Variants in KCNQ5 observed in about 807,000 individuals in gnomAD.
The protein encoded by KCNQ5 is potassium voltage-gated channel subfamily Q member 5.
A neutral mutation model predicts 98.2 loss-of-function variants in KCNQ5; 30 were observed. The observed-to-expected ratio is 0.31, with a 90% CI of 0.23 to 0.41. The LOEUF (loss-of-function observed/expected upper bound fraction) is 0.41. Among genes scored for constraint, KCNQ5 ranks in the 10% least tolerant of loss-of-function variants. The pLI, the probability that KCNQ5 is intolerant of heterozygous loss-of-function variation, is 1.00. For synonymous variants in KCNQ5, 458 were observed against 449.4 expected (o/e 1.02, Z -0.24); for missense variants, 835 against 1,182.5 (o/e 0.71, Z 4.31).
intron 11 of KCNQ5, among the ~76,000 whole-genome samples, chr6:73,183,000 A>G (rs1778453525): frequency 6.6e-6 from 1 of 152,236 alleles, no homozygotes; most frequent in Non-Finnish European, 1.5e-5. Flanking sequence ...TTATGAGAGA[A>G]TGCAGGTGGC....
intron 2 of KCNQ5, among the ~76,000 whole-genome samples, chr6:73,027,432 G>A (rs536816586): frequency 6.6e-6 from 1 of 152,220 alleles, no homozygotes; most frequent in East Asian, 1.9e-4. Flanking sequence ...TCAATGTTTG[G>A]GAAACATTTA....
intron 10 of KCNQ5, among the ~76,000 whole-genome samples, chr6:73,153,881 C>A (rs574509064): frequency 7.3e-6 from 1 of 137,922 alleles, no homozygotes; most frequent in East Asian, 2.1e-4. Context: ...CAATCTGTAT[C>A]AATCTGTAAT....
intron 1 of KCNQ5, among the ~76,000 whole-genome samples, chr6:73,003,255 A>G (rs182785292): frequency 1.4e-4 from 21 of 152,306 alleles, no homozygotes; most frequent in African/African-American, 4.3e-4. Flanking sequence ...TTATCCTTAT[A>G]TATGAATAGA....
intron 1 of KCNQ5, among the ~76,000 whole-genome samples, chr6:72,767,277 A>C (rs1367124604): frequency 6.6e-6 from 1 of 152,022 alleles, no homozygotes; most frequent in East Asian, 1.9e-4. Flanking sequence ...GGGTAACTGG[A>C]TAGCCACATG....
At chr6:72,738,010 C>T (rs912544779) in intron 1 of KCNQ5, among the ~76,000 whole-genome samples, 3 of 150,578 alleles carry the variant, frequency 2.0e-5, no homozygotes, top group Admixed American at 1.3e-4. Context: ...AAAAAATTAG[C>T]CGGGCGTGGT....
At chr6:72,929,464 A>G (rs1765592831) in intron 1 of KCNQ5, among the ~76,000 whole-genome samples, 1 of 152,132 alleles carries the variant, frequency 6.6e-6, no homozygotes, top group Admixed American at 6.6e-5. Context: ...TTAAAATCCT[A>G]AATATATTAA....
At chr6:72,907,428 A>G (rs1303647150) in intron 1 of KCNQ5, among the ~76,000 whole-genome samples, 1 of 152,204 alleles carries the variant, frequency 6.6e-6, no homozygotes, top group Admixed American at 6.5e-5. Flanking sequence ...TAGCTCCAAT[A>G]TATATGGAAT....
chr6:72,668,444 A>G (rs1369441531), intron 1 of KCNQ5, among the ~76,000 whole-genome samples: 2 of 152,032 alleles, frequency 1.3e-5, no homozygotes, highest in African/African-American at 4.8e-5. Context: ...GAGGACAGAA[A>G]TGACCTCCTG....
intron 1 of KCNQ5, among the ~76,000 whole-genome samples, chr6:72,940,156 T>A (rs1766153463): frequency 6.6e-6 from 1 of 152,154 alleles, no homozygotes. Flanking sequence ...ATACCCAAAA[T>A]TCAGCCCTTT....
intron 1 of KCNQ5, among the ~76,000 whole-genome samples, chr6:72,649,845 G>T (rs1330107558): frequency 1.3e-5 from 2 of 152,070 alleles, no homozygotes; most frequent in African/African-American, 4.8e-5. Context: ...CAGACAACAT[G>T]AACTTAACAC....
intron 1 of KCNQ5, among the ~76,000 whole-genome samples, chr6:72,984,468 T>A (rs1353896292): frequency 6.6e-6 from 1 of 152,224 alleles, no homozygotes; most frequent in East Asian, 1.9e-4. Context: ...GATCTTGGAC[T>A]GCTGTGCTAG....
At chr6:72,967,395 T>A (rs897109852) in intron 1 of KCNQ5, among the ~76,000 whole-genome samples, 3 of 152,196 alleles carry the variant, frequency 2.0e-5, no homozygotes, top group Non-Finnish European at 4.4e-5. Context: ...AATATCCCTT[T>A]ATTTAATTCA....
At chr6:72,686,068 G>A (rs1179402570) in intron 1 of KCNQ5, among the ~76,000 whole-genome samples, 1 of 152,164 alleles carries the variant, frequency 6.6e-6, no homozygotes, top group Non-Finnish European at 1.5e-5. Flanking sequence ...CCCTTATGGG[G>A]CTTCATCTTC....
In KCNQ5 at chr6:72,811,515, T is replaced by TA. The variant is rs200844183; in HGVS notation, c.398+188934dup. 2.7e-4 allele frequency among the ~76,000 whole-genome samples: 41 copies of TA among 152,088 alleles called. No individual in the cohort carries two copies. The East Asian group carries it at 3.7e-3, about 14-fold the overall frequency. ...ATATACGCAAGCATCTCTTTCCTACTAAAAAAGAATGCTATATTCTACCAG... is the reference window on the plus strand; with the variant it reads ...ATATACGCAAGCATCTCTTTCCTACTAAAAAAAGAATGCTATATTCTACCAG... On this transcript the variant is annotated intron_variant, in intron 1 of 13. Coordinates refer to ENST00000370398, the MANE Select transcript of KCNQ5 (RefSeq NM_019842.4).
chr6:72,892,494 C>CA (rs1252842370), intron 1 of KCNQ5, among the ~76,000 whole-genome samples: 3 of 152,192 alleles, frequency 2.0e-5, no homozygotes, highest in Non-Finnish European at 4.4e-5. Flanking sequence ...GGCTTCACTA[C>CA]AGATGTACCT....
intron 1 of KCNQ5, among the ~76,000 whole-genome samples, chr6:72,640,229 G>A (rs549814780): frequency 7.9e-5 from 12 of 151,972 alleles, no homozygotes; most frequent in African/African-American, 2.2e-4. Context: ...CTGAACATGT[G>A]TGACCTTGAC....
At chr6:73,089,760 G>C (rs111541125) in intron 5 of KCNQ5, among the ~76,000 whole-genome samples, 4,709 of 128,666 alleles carry the variant, frequency 0.037, 234 homozygotes, top group African/African-American at 0.12. Context: ...TTATGGCTGA[G>C]TAGTATTCCA....
At chr6:72,772,060 A>G (rs187334031) in intron 1 of KCNQ5, among the ~76,000 whole-genome samples, 1 of 152,264 alleles carries the variant, frequency 6.6e-6, no homozygotes, top group Admixed American at 6.5e-5. Flanking sequence ...TATATATTTT[A>G]TGATACCGAC....
intron 1 of KCNQ5, among the ~76,000 whole-genome samples, chr6:72,696,811 T>C (rs1768531543): frequency 6.6e-6 from 1 of 152,172 alleles, no homozygotes; most frequent in Admixed American, 6.5e-5. Flanking sequence ...TGAAATTTAT[T>C]TTTTCAAAGC....
Sources: allele counts gnomAD v4.1 joint callset (sites outside exome capture counted in the v4.1 genomes callset), GRCh38; gene constraint gnomAD v4.1.1; transcripts MANE v1.5; gene names NCBI Gene and HGNC (gene_info 2026-07-23, HGNC 2026-07-21).